CYP20A1: variants seen among roughly 807,000 people sequenced by gnomAD.
CYP20A1 encodes cytochrome P450 20A1.
Under a neutral mutation model 61.4 loss-of-function variants are expected in CYP20A1, and 61 were observed. The ratio of observed to expected loss-of-function variants is 0.99; its 90% confidence interval spans 0.81 to 1.23. The LOEUF is 1.23. CYP20A1 is among the 50% of genes most tolerant of loss of function. CYP20A1 has a pLI of 0.00. For synonymous variants in CYP20A1, 193 were observed against 188.2 expected, an observed-to-expected ratio of 1.03 and a Z score of -0.21; for missense variants, 530 against 542.4, an observed-to-expected ratio of 0.98 and a Z score of 0.23.
At chr2:203,280,389 CAG>C (rs1054312607) in intron 8 of CYP20A1, among the ~76,000 whole-genome samples, 2 of 152,118 alleles carry the variant, frequency 1.3e-5, no homozygotes, top group African/African-American at 4.8e-5. Context: ...AGCCTGAAAA[CAG>C]AGTGAGACCC....
At chr2:203,252,247 GACA>G in intron 4 of CYP20A1, 138 bp downstream of exon 4, 2 of 659,776 alleles carry the variant, frequency 3.0e-6, no homozygotes, top group Non-Finnish European at 4.7e-6. Flanking sequence ...AATTAAAAAC[GACA>G]ACAATAACAA....
chr2:203,243,790 A>T (rs2066348367), intron 1 of CYP20A1, among the ~76,000 whole-genome samples: 1 of 149,140 alleles, frequency 6.7e-6, no homozygotes. Context: ...CCCAGGCTCA[A>T]GTGATCCTCC....
At chr2:203,291,533 C>T (rs2152110155) in intron 10 of CYP20A1, among the ~76,000 whole-genome samples, 1 of 152,054 alleles carries the variant, frequency 6.6e-6, no homozygotes, top group Non-Finnish European at 1.5e-5. Context: ...TTGTGTTTTT[C>T]TTTTGTTAAT....
At chr2:203,267,358 C>A (rs2152076126) in intron 5 of CYP20A1, among the ~76,000 whole-genome samples, 1 of 148,894 alleles carries the variant, frequency 6.7e-6, no homozygotes, top group Admixed American at 6.7e-5. Context: ...TGTGGCAAAA[C>A]CCCATCTCTA....
intron 11 of CYP20A1, among the ~76,000 whole-genome samples, chr2:203,294,209 C>G (rs1424826655): frequency 1.3e-5 from 2 of 151,926 alleles, no homozygotes; most frequent in African/African-American, 4.8e-5. Flanking sequence ...GAATCTCGCT[C>G]TATTGCCAGG....
chr2:203,296,021 G>A (rs538577222), intron 11 of CYP20A1, among the ~76,000 whole-genome samples: 22 of 152,224 alleles, frequency 1.4e-4, no homozygotes, highest in Non-Finnish European at 2.6e-4. Flanking sequence ...CCAGCACTTC[G>A]AGAGATTGAG....
In CYP20A1 at chr2:203,293,213, T is replaced by TA; in HGVS notation, c.1148+887_1148+888insA. Reference sequence around the variant, plus strand: ...AATTTTTAAAAAAGCAGAATTTCTCTCTCTTTTTTTTTTTTTTTTTGAGAT... The same window carrying TA: ...AATTTTTAAAAAAGCAGAATTTCTCTACTCTTTTTTTTTTTTTTTTTGAGAT... On this transcript the variant is annotated intron_variant, in intron 11 of 12. Transcript: ENST00000356079. 7.6e-5 allele frequency among the ~76,000 whole-genome samples: 2 copies of TA among 26,180 alleles called. 1 individual carries two copies. 17.2% of individuals were successfully genotyped at this position (26,180 alleles called of 152,430 possible).
intron 11 of CYP20A1, among the ~76,000 whole-genome samples, 189 bp downstream of exon 11, chr2:203,292,515 A>G (rs6727994): frequency 0.89 from 136,042 of 152,210 alleles, 61,641 homozygotes; most frequent in Non-Finnish European, 0.96. Context: ...CTGGAATGTA[A>G]TAGTGCAATC....
rs377306363 is a variant in CYP20A1, at chr2:203,251,815, A to ATATG, written c.290-150_290-149insTGTA. On this transcript the variant is annotated intron_variant, in intron 3 of 12. Transcript: ENST00000356079. ...TGTGTATATATATATATATATATAT[A>ATATG]TAAAAAATAAAAAATAAAAACAAGG... 690 of 88,566 alleles carry ATATG rather than the reference A, an allele frequency of 7.8e-3. 42 individuals carry two copies. The highest frequency in any genetic ancestry group is 0.01 in the African/African-American group (314 of 30,682). 5.5% of individuals were successfully genotyped at this position (88,566 alleles called of 1,614,324 possible).
At chr2:203,258,005 G>GCGCAAGTGCAGTGGCACAATT in intron 4 of CYP20A1, among the ~76,000 whole-genome samples, 1 of 151,752 alleles carries the variant, frequency 6.6e-6, no homozygotes, top group Non-Finnish European at 1.5e-5. Flanking sequence ...GGGCTGAAGG[G>GCGCAAGTGCAGTGGCACAATT]ATCCTCCTGC....
At chr2:203,284,467 A>C (rs1049227403) in intron 8 of CYP20A1, among the ~76,000 whole-genome samples, 10 of 152,068 alleles carry the variant, frequency 6.6e-5, no homozygotes, top group Non-Finnish European at 1.0e-4. Flanking sequence ...TCAACATGTA[A>C]TTTCTTTACA....
intron 1 of CYP20A1, among the ~76,000 whole-genome samples, chr2:203,240,080 G>C (rs2066200084): frequency 6.6e-6 from 1 of 152,140 alleles, no homozygotes; most frequent in Non-Finnish European, 1.5e-5. Context: ...TGGCGACAGA[G>C]CCAGACTCTT....
chr2:203,294,645 T>C (rs2068694855), intron 11 of CYP20A1, among the ~76,000 whole-genome samples: 4 of 149,368 alleles, frequency 2.7e-5, no homozygotes, highest in Admixed American at 6.7e-5. Flanking sequence ...AACGTGTATC[T>C]TTTTTTTTTG....
At chr2:203,262,727 C>T (rs528879066) in intron 4 of CYP20A1, among the ~76,000 whole-genome samples, 64 of 151,820 alleles carry the variant, frequency 4.2e-4, no homozygotes, top group African/African-American at 1.5e-3. Flanking sequence ...GTCTTACTCT[C>T]GTCCAGGCTG....
At chr2:203,296,620 G>T in intron 12 of CYP20A1, 57 bp downstream of exon 12, 1 of 1,447,192 alleles carries the variant, frequency 6.9e-7, no homozygotes, top group Non-Finnish European at 9.5e-7. Context: ...CTGTTGATGA[G>T]AATGGGCAAT....
rs553631318 is a variant in CYP20A1, at chr2:203,300,048, G to A, written c.*3140G>A. Among the ~76,000 whole-genome samples, 3 of 152,278 alleles carry A rather than the reference G, an allele frequency of 2.0e-5. No individual in the cohort carries two copies. The highest frequency in any genetic ancestry group is 6.5e-5 in the Admixed American group (1 of 15,286). On this transcript the variant is annotated 3_prime_UTR_variant, in exon 13 of 13. Coordinates refer to ENST00000356079, the MANE Select transcript of CYP20A1 (RefSeq NM_177538.3). ...CAATTGATATGTAAACCAAGTGTCA[G>A]ATCAGATGAGATGAAAGAGGTGGAG...
chr2:203,277,299 G>A (rs2067862122), intron 6 of CYP20A1, among the ~76,000 whole-genome samples: 2 of 151,464 alleles, frequency 1.3e-5, no homozygotes, highest in Admixed American at 1.3e-4. Context: ...AGTAAGCTGA[G>A]ATTGCGCCAC....
At chr2:203,288,791 A>AT in intron 9 of CYP20A1, among the ~76,000 whole-genome samples, 1 of 152,310 alleles carries the variant, frequency 6.6e-6, no homozygotes, top group East Asian at 1.9e-4. Flanking sequence ...AGTGGTTAAG[A>AT]TTTGAATCCT....
chr2:203,289,655 T>C, intron 9 of CYP20A1, 110 bp from the exon 10 acceptor site: 1 of 486,334 alleles, frequency 2.1e-6, no homozygotes, highest in Non-Finnish European at 3.7e-6. Context: ...GATGGGACTA[T>C]TTCAAGTTGG....
Sources: gnomAD v4.1 joint callset for allele counts (sites outside exome capture counted in the v4.1 genomes callset) on GRCh38, gnomAD v4.1.1 for gene constraint, MANE v1.5 for transcripts, NCBI Gene and HGNC (gene_info 2026-07-23, HGNC 2026-07-21) for gene names.